The following PCDH15 variants were observed in gnomAD, a reference collection of about 807,000 sequenced individuals.
The protein encoded by PCDH15 is protocadherin related 15.
A neutral mutation model predicts 178.5 loss-of-function variants in PCDH15; 129 were observed. The observed-to-expected ratio is 0.72, with a 90% CI of 0.63 to 0.84. PCDH15 has a LOEUF of 0.84. Among genes scored for constraint, PCDH15 ranks in the 40% least tolerant of loss-of-function variants. The pLI is 0.00. For synonymous variants in PCDH15, 800 were observed against 732.0 expected, an observed-to-expected ratio of 1.09 and a Z score of -1.50; for missense variants, 2,230 against 2,099.9, an observed-to-expected ratio of 1.06 and a Z score of -1.21.
chr10:54,757,304 A>G (rs1348904354), intron 1 of PCDH15, among the ~76,000 whole-genome samples: 2 of 47,144 alleles, frequency 4.2e-5, no homozygotes, highest in Non-Finnish European at 7.5e-5. Flanking sequence ...TTTTTTTGAG[A>G]CGGAGTTTCG....
rs77549767 is a variant in PCDH15 at position 54,133,793 on chromosome 10, A to G, written c.1785-786T>C. Among the ~76,000 whole-genome samples the G allele has an allele frequency of 2.4e-4, 37 of 152,216 alleles. No homozygotes were observed. The East Asian group carries it at 7.0e-3, about 29-fold the overall frequency. On this transcript the variant is annotated intron_variant, in intron 14 of 37. Transcript: ENST00000644397. ...AAGGTGGAAACATTAGCTGAAATAT[A>G]TCAATGAGATCTGAAAATACATAAG... is the stretch of plus-strand genomic sequence containing the variant.
intron 2 of PCDH15, chr10:54,585,543 T>C (rs4570492): frequency 0.92 from 222,950 of 241,848 alleles, 103,535 homozygotes; most frequent in Non-Finnish European, 0.98. Flanking sequence ...ACTTCATAGC[T>C]GTAGGCTAAC....
At chr10:54,716,793 C>A (rs1313870979) in intron 1 of PCDH15, among the ~76,000 whole-genome samples, 10 of 151,182 alleles carry the variant, frequency 6.6e-5, no homozygotes, top group African/African-American at 2.4e-4. Context: ...AAAGAGCCCG[C>A]ATCACCAAGT....
At chr10:55,572,067 A>G (rs894066727) in intron 2 of PCDH15, among the ~76,000 whole-genome samples, 1 of 152,088 alleles carries the variant, frequency 6.6e-6, no homozygotes, top group African/African-American at 2.4e-5. Flanking sequence ...AATGATTATC[A>G]GACAAATACT....
intron 25 of PCDH15, among the ~76,000 whole-genome samples, chr10:53,936,901 G>A (rs2134034067): frequency 6.6e-6 from 1 of 152,178 alleles, no homozygotes; most frequent in African/African-American, 2.4e-5. Context: ...CATAACTAAT[G>A]GGCTGGGGAT....
chr10:54,774,472 T>G (rs1282883615), intron 1 of PCDH15, among the ~76,000 whole-genome samples: 1 of 152,032 alleles, frequency 6.6e-6, no homozygotes, highest in African/African-American at 2.4e-5. Context: ...CATAAATAAG[T>G]GTCACAAATT....
chr10:54,470,399 A>T (rs879287152), intron 3 of PCDH15, among the ~76,000 whole-genome samples: 44 of 152,106 alleles, frequency 2.9e-4, no homozygotes, highest in African/African-American at 1.0e-3. Context: ...GCCTGGCTGC[A>T]GGTGGGGGAG....
chr10:54,969,039 T>A (rs1838865768), intron 2 of PCDH15, among the ~76,000 whole-genome samples: 1 of 152,104 alleles, frequency 6.6e-6, no homozygotes, highest in Non-Finnish European at 1.5e-5. Flanking sequence ...TTGTCCTTGC[T>A]ATTAATTCTA....
At chr10:54,251,551 G>T (rs1370748467) in intron 8 of PCDH15, among the ~76,000 whole-genome samples, 1 of 152,160 alleles carries the variant, frequency 6.6e-6, no homozygotes, top group African/African-American at 2.4e-5. Context: ...CGTAGAGAGT[G>T]CTTTTTTTAA....
intron 20 of PCDH15, among the ~76,000 whole-genome samples, chr10:54,001,242 G>C (rs1374895014): frequency 6.6e-6 from 1 of 152,218 alleles, no homozygotes; most frequent in South Asian, 2.1e-4. Flanking sequence ...ATCATCTGAA[G>C]ATACAAAACT....
chr10:53,917,962 A>T (rs1229456590), intron 25 of PCDH15, among the ~76,000 whole-genome samples: 1 of 151,866 alleles, frequency 6.6e-6, no homozygotes, highest in Non-Finnish European at 1.5e-5. Flanking sequence ...CTCTCCCTTC[A>T]CTTTCCACCA....
At chr10:54,260,305 TG>T (rs1361172069) in intron 8 of PCDH15, among the ~76,000 whole-genome samples, 1 of 152,074 alleles carries the variant, frequency 6.6e-6, no homozygotes, top group African/African-American at 2.4e-5. Flanking sequence ...ATTTTTTTTT[TG>T]AGAAGGAATC....
At chr10:54,239,613 G>A (rs548356585) in intron 8 of PCDH15, among the ~76,000 whole-genome samples, 6 of 151,872 alleles carry the variant, frequency 4.0e-5, no homozygotes, top group South Asian at 2.1e-4. Flanking sequence ...ACCATAGCCC[G>A]TACTATTTGT....
chr10:53,969,791 T>C (rs1171562975), intron 21 of PCDH15, among the ~76,000 whole-genome samples: 1 of 152,148 alleles, frequency 6.6e-6, no homozygotes, highest in African/African-American at 2.4e-5. Context: ...TAAAATCCTT[T>C]ACAGACAAAC....
chr10:55,331,569 G>A (rs1844198860), intron 2 of PCDH15, among the ~76,000 whole-genome samples: 1 of 152,008 alleles, frequency 6.6e-6, no homozygotes. Flanking sequence ...TTGTAGGGGA[G>A]AGTCTACAAC....
rs1442523502 is a variant in PCDH15, at chr10:53,822,533, A to G, written c.4368-2303T>C. 3 of 1,613,632 alleles carry G rather than the reference A, an allele frequency of 1.9e-6. No individual in the cohort carries two copies. The African/African-American group carries it at 4.0e-5, about 22-fold the overall frequency. Reference sequence around the variant, plus strand: ...TGTTTGGTGGATGGGCAAAATTTTCAAAAATATTTCTTTCGGTTTCAATAG... The same window carrying G: ...TGTTTGGTGGATGGGCAAAATTTTCGAAAATATTTCTTTCGGTTTCAATAG... On this transcript the variant is annotated intron_variant, in intron 32 of 37. Transcript: ENST00000644397.
chr10:55,614,069 G>A (rs1424313452), intron 2 of PCDH15, among the ~76,000 whole-genome samples: 2 of 151,166 alleles, frequency 1.3e-5, no homozygotes, highest in Non-Finnish European at 2.9e-5. Context: ...AGCTGAGATC[G>A]TGCCACTGCA....
intron 18 of PCDH15, among the ~76,000 whole-genome samples, chr10:54,062,098 G>T (rs1039676978): frequency 6.6e-6 from 1 of 151,298 alleles, no homozygotes; most frequent in East Asian, 2.0e-4. Context: ...GGTGGAGGTT[G>T]CCTGTAATCC....
At chr10:55,446,943 G>A (rs10825517) in intron 2 of PCDH15, among the ~76,000 whole-genome samples, 116,372 of 151,982 alleles carry the variant, frequency 0.77, 45,913 homozygotes, top group East Asian at 0.99. Flanking sequence ...TCTACATTCT[G>A]GGGTAGTTTG....
Sources: allele counts gnomAD v4.1 joint callset (sites outside exome capture counted in the v4.1 genomes callset), GRCh38; gene constraint gnomAD v4.1.1; transcripts MANE v1.5; gene names NCBI Gene and HGNC (gene_info 2026-07-23, HGNC 2026-07-21).